The following PTPRD variants were observed in gnomAD, a reference collection of about 807,000 sequenced individuals.
The protein encoded by PTPRD is protein tyrosine phosphatase receptor type D, also known as receptor-type tyrosine-protein phosphatase delta.
Under a neutral mutation model 214.5 loss-of-function variants are expected in PTPRD, and 34 were observed. That is an observed-to-expected ratio of 0.16 (90% CI 0.12 to 0.21). The LOEUF is 0.21. Ranked by LOEUF, PTPRD falls within the 10% of genes least tolerant of loss-of-function variation. PTPRD has a pLI of 1.00. For missense variants in PTPRD, 2,545 were observed against 2,398.7 expected (o/e 1.06, Z -1.27); for synonymous variants, 1,128 against 845.7 (o/e 1.33, Z -5.79).
chr9:9,873,232 G>A (rs1301607739), intron 5 of PTPRD, among the ~76,000 whole-genome samples: 1 of 152,068 alleles, frequency 6.6e-6, no homozygotes, highest in Non-Finnish European at 1.5e-5. Flanking sequence ...AAGATAAACT[G>A]TTCTAACCTT....
chr9:9,472,189 C>CTTTTTTTTTTT (rs1220396472), intron 8 of PTPRD, among the ~76,000 whole-genome samples: 1 of 82,826 alleles, frequency 1.2e-5, no homozygotes, highest in Non-Finnish European at 2.5e-5. Context: ...CTACTCCAAT[C>CTTTTTTTTTTT]TTTTTTTTTT....
At chr9:10,041,680 C>T (rs907722523) in intron 3 of PTPRD, among the ~76,000 whole-genome samples, 1 of 151,884 alleles carries the variant, frequency 6.6e-6, no homozygotes, top group Non-Finnish European at 1.5e-5. Flanking sequence ...GAAAATGTCA[C>T]TAACTTATTT....
intron 11 of PTPRD, among the ~76,000 whole-genome samples, chr9:8,793,192 T>C (rs1265038577): frequency 6.6e-6 from 1 of 152,228 alleles, no homozygotes; most frequent in Admixed American, 6.5e-5. Flanking sequence ...ACAATGATGG[T>C]ATGTTACTTC....
intron 5 of PTPRD, among the ~76,000 whole-genome samples, chr9:9,807,639 C>T (rs1021092497): frequency 2.6e-5 from 4 of 152,158 alleles, no homozygotes; most frequent in African/African-American, 9.7e-5. Flanking sequence ...TTACACATTG[C>T]TCTAGCATAT....
intron 11 of PTPRD, among the ~76,000 whole-genome samples, chr9:8,736,455 C>T (rs1333821574): frequency 2.0e-5 from 3 of 152,082 alleles, no homozygotes; most frequent in African/African-American, 4.8e-5. Flanking sequence ...GAAACATATA[C>T]AAAATTTTTG....
intron 4 of PTPRD, among the ~76,000 whole-genome samples, chr9:9,961,036 T>C (rs977021226): frequency 2.6e-5 from 4 of 152,120 alleles, no homozygotes; most frequent in Non-Finnish European, 5.9e-5. Flanking sequence ...AAGACATTTA[T>C]GCAGCCAACA....
chr9:9,580,591 C>G (rs1242681283), intron 7 of PTPRD, among the ~76,000 whole-genome samples: 1 of 144,518 alleles, frequency 6.9e-6, no homozygotes, highest in Non-Finnish European at 1.5e-5. Context: ...CTCTGTCACC[C>G]AGACAGAAGT....
intron 5 of PTPRD, among the ~76,000 whole-genome samples, chr9:9,818,054 C>T (rs1159390067): frequency 1.3e-5 from 2 of 152,180 alleles, no homozygotes; most frequent in Admixed American, 1.3e-4. Flanking sequence ...TTGGTTCTCT[C>T]ACAGTGGCTT....
intron 5 of PTPRD, among the ~76,000 whole-genome samples, chr9:9,780,463 C>T (rs1266893893): frequency 6.6e-6 from 1 of 152,038 alleles, no homozygotes; most frequent in African/African-American, 2.4e-5. Flanking sequence ...AGACATCTCA[C>T]CAAAGAAGAT....
intron 9 of PTPRD, among the ~76,000 whole-genome samples, chr9:9,364,070 T>G (rs1196184700): frequency 6.6e-6 from 1 of 151,428 alleles, no homozygotes; most frequent in Admixed American, 6.6e-5. Context: ...ATCAGTATTG[T>G]TTACCAATAT....
At chr9:8,411,420 C>T (rs1438643351) in intron 35 of PTPRD, among the ~76,000 whole-genome samples, 4 of 152,130 alleles carry the variant, frequency 2.6e-5, no homozygotes, top group African/African-American at 9.7e-5. Flanking sequence ...TCTCCTGCCT[C>T]AGCCTCCCAA....
intron 11 of PTPRD, among the ~76,000 whole-genome samples, chr9:8,778,601 C>G (rs940614211): frequency 2.6e-5 from 4 of 152,132 alleles, no homozygotes; most frequent in Non-Finnish European, 5.9e-5. Flanking sequence ...ACCAATTCTG[C>G]TTTGTTGAGG....
intron 11 of PTPRD, among the ~76,000 whole-genome samples, chr9:8,850,792 G>C (rs2097793827): frequency 6.6e-6 from 1 of 152,210 alleles, no homozygotes; most frequent in African/African-American, 2.4e-5. Flanking sequence ...ACTACAAGTA[G>C]TTGGAATGTG....
At chr9:10,240,483 A>C (rs2099643852) in intron 3 of PTPRD, among the ~76,000 whole-genome samples, 1 of 151,986 alleles carries the variant, frequency 6.6e-6, no homozygotes, top group South Asian at 2.1e-4. Context: ...GCATCATAAA[A>C]GATCACATTT....
At chr9:9,894,081 C>T (rs540266516) in intron 5 of PTPRD, among the ~76,000 whole-genome samples, 8 of 152,076 alleles carry the variant, frequency 5.3e-5, no homozygotes, top group South Asian at 2.1e-4. Context: ...GGCCTCCTAA[C>T]GCTGTGGAAT....
At chr9:10,367,454 G>A (rs548597636) in intron 2 of PTPRD, among the ~76,000 whole-genome samples, 1 of 152,218 alleles carries the variant, frequency 6.6e-6, no homozygotes, top group South Asian at 2.1e-4. Context: ...CTGCCACTGG[G>A]TTGGTTTGCA....
intron 12 of PTPRD, among the ~76,000 whole-genome samples, chr9:8,673,313 C>G (rs1173120618): frequency 1.3e-5 from 2 of 152,146 alleles, no homozygotes; most frequent in Non-Finnish European, 2.9e-5. Context: ...ATGTTGTCAC[C>G]TATTTTCCCC....
intron 9 of PTPRD, among the ~76,000 whole-genome samples, chr9:9,373,103 C>A (rs2059955445): frequency 6.6e-6 from 1 of 151,998 alleles, no homozygotes; most frequent in African/African-American, 2.4e-5. Context: ...GTTCCTTAGC[C>A]ATCAAATTGT....
At chr9:10,385,418 CAT>C (rs2097897637) in intron 2 of PTPRD, among the ~76,000 whole-genome samples, 2 of 151,756 alleles carry the variant, frequency 1.3e-5, no homozygotes, top group African/African-American at 4.8e-5. Context: ...GAGAATATAA[CAT>C]ATCTCATTCA....
Sources: gnomAD v4.1 joint callset for allele counts (sites outside exome capture counted in the v4.1 genomes callset) on GRCh38, gnomAD v4.1.1 for gene constraint, MANE v1.5 for transcripts, NCBI Gene and HGNC (gene_info 2026-07-23, HGNC 2026-07-21) for gene names.